The following NDST4 variants were observed in gnomAD, a reference collection of about 807,000 sequenced individuals.
The protein encoded by NDST4 is N-heparan sulfate sulfotransferase 4.
In NDST4, 63 loss-of-function variants were observed where a neutral mutation model predicts 100.8. The ratio of observed to expected loss-of-function variants is 0.62; its 90% CI spans 0.51 to 0.77. NDST4 has a LOEUF of 0.77. Among genes scored for constraint, NDST4 ranks in the 30% least tolerant of loss-of-function variants. The pLI, the probability that NDST4 is intolerant of heterozygous loss-of-function variation, is 0.00. For synonymous variants in NDST4, 377 were observed against 361.8 expected (o/e 1.04, Z -0.48); for missense variants, 943 against 1,018.4 (o/e 0.93, Z 1.01).
At chr4:115,106,211 G>A (rs541492104) in intron 1 of NDST4, among the ~76,000 whole-genome samples, 18 of 152,212 alleles carry the variant, frequency 1.2e-4, no homozygotes, top group African/African-American at 4.1e-4. Context: ...TGAGAATGAT[G>A]AACAGGCCAA....
At chr4:115,081,774 C>T (rs1268538354) in intron 1 of NDST4, among the ~76,000 whole-genome samples, 3 of 152,218 alleles carry the variant, frequency 2.0e-5, no homozygotes, top group Admixed American at 2.0e-4. Flanking sequence ...GACAAGTCAG[C>T]AAGAAACAGA....
chr4:115,040,364 G>T (rs1728324753), intron 2 of NDST4, among the ~76,000 whole-genome samples: 1 of 148,118 alleles, frequency 6.8e-6, no homozygotes, highest in Admixed American at 6.8e-5. Context: ...AGAACAATAT[G>T]AACTACCAAA....
At chr4:115,106,102 C>G (rs982105911) in intron 1 of NDST4, among the ~76,000 whole-genome samples, 1 of 152,052 alleles carries the variant, frequency 6.6e-6, no homozygotes, top group Admixed American at 6.6e-5. Context: ...AATAAGTGCC[C>G]TGATGGAACA....
At chr4:114,974,194 C>A (rs1726579334) in intron 3 of NDST4, among the ~76,000 whole-genome samples, 1 of 151,548 alleles carries the variant, frequency 6.6e-6, no homozygotes, top group African/African-American at 2.4e-5. Context: ...CAAATGCTGG[C>A]AAAATGTCAG....
At chr4:114,838,810 T>C (rs1213871693) in intron 11 of NDST4, among the ~76,000 whole-genome samples, 1 of 144,884 alleles carries the variant, frequency 6.9e-6, no homozygotes, top group Non-Finnish European at 1.5e-5. Context: ...AGAACTTTTT[T>C]TTTTTTTTGA....
chr4:114,896,783 G>A (rs1360955439), intron 6 of NDST4, among the ~76,000 whole-genome samples: 2 of 152,222 alleles, frequency 1.3e-5, no homozygotes, highest in East Asian at 3.9e-4. Context: ...GGTAATTTTA[G>A]TATCACTATA....
intron 4 of NDST4, among the ~76,000 whole-genome samples, chr4:114,961,285 C>T (rs778135699): frequency 3.2e-4 from 48 of 150,160 alleles, no homozygotes; most frequent in African/African-American, 4.9e-4. Context: ...ATTATTTCTC[C>T]GTAAAACATT....
chr4:114,827,831 C>T lies in NDST4; in HGVS notation c.2604G>A (p.Leu868=), dbSNP rs568698644. 8.1e-6 allele frequency: 13 copies of T among 1,611,132 alleles called. 1 individual carries two copies. In the East Asian group the frequency reaches 2.0e-4, roughly 25 times the overall value. The change falls in exon 14 of 14, where the codon CTG becomes CTA. Residue 868 remains leucine (L), a synonymous_variant. Transcript: ENST00000264363. The part of the protein sequence containing the change: ...QPLPSWLRQE[L]QKVR ...GTCTCCAGTGCTATCTCACTTTCTGCAGTTCCTGTCTCAGCCACGATGGCA... is the reference window on the plus strand; with the variant it reads ...GTCTCCAGTGCTATCTCACTTTCTGTAGTTCCTGTCTCAGCCACGATGGCA...
At chr4:114,867,501 G>T (rs932955760) in intron 7 of NDST4, among the ~76,000 whole-genome samples, 1 of 151,968 alleles carries the variant, frequency 6.6e-6, no homozygotes, top group African/African-American at 2.4e-5. Flanking sequence ...TTTGTTGATA[G>T]TGAGACTCTG....
At chr4:114,833,237 C>A (rs1017835031) in intron 12 of NDST4, among the ~76,000 whole-genome samples, 2 of 152,126 alleles carry the variant, frequency 1.3e-5, no homozygotes, top group East Asian at 3.9e-4. Flanking sequence ...CTACATATTG[C>A]ATTTCATTTC....
intron 2 of NDST4, among the ~76,000 whole-genome samples, chr4:115,002,602 GTTC>G (rs745441859): frequency 3.3e-5 from 5 of 152,046 alleles, no homozygotes; most frequent in Non-Finnish European, 5.9e-5. Context: ...TTGCCTAGGT[GTTC>G]TTCTAGTTTT....
chr4:115,024,150 C>T (rs1727927358), intron 2 of NDST4, among the ~76,000 whole-genome samples: 1 of 152,286 alleles, frequency 6.6e-6, no homozygotes, highest in East Asian at 1.9e-4. Flanking sequence ...CTTCACACAG[C>T]CCCCACTAGG....
chr4:114,939,503 A>G (rs1270755437), intron 4 of NDST4, among the ~76,000 whole-genome samples: 1 of 152,198 alleles, frequency 6.6e-6, no homozygotes, highest in Non-Finnish European at 1.5e-5. Flanking sequence ...CTATAACTGT[A>G]TAAATTTGAC....
At chr4:114,994,894 C>G (rs1290717680) in intron 2 of NDST4, among the ~76,000 whole-genome samples, 1 of 151,868 alleles carries the variant, frequency 6.6e-6, no homozygotes, top group Admixed American at 6.6e-5. Flanking sequence ...ATCATAAAAT[C>G]TCCACAAATT....
intron 2 of NDST4, among the ~76,000 whole-genome samples, chr4:115,036,869 C>A (rs953270295): frequency 3.3e-5 from 5 of 151,816 alleles, no homozygotes; most frequent in African/African-American, 1.2e-4. Flanking sequence ...ATCCTTCAAA[C>A]TTGTTTATTT....
chr4:114,858,204 T>C (rs114622749), intron 7 of NDST4, among the ~76,000 whole-genome samples: 2,009 of 152,286 alleles, frequency 0.013, 44 homozygotes, highest in African/African-American at 0.046. Flanking sequence ...ATCCTGCCAC[T>C]TAGTGAAACA....
At chr4:114,842,618 TAAAAAAAA>T (rs71584042) in intron 10 of NDST4, 35 of 40,996 alleles carry the variant, frequency 8.5e-4, no homozygotes, top group African/African-American at 1.2e-3. Context: ...CAGTCTCTAC[TAAAAAAAA>T]AAAAAAAAAA....
At chr4:115,026,571 C>T (rs1221769482) in intron 2 of NDST4, among the ~76,000 whole-genome samples, 1 of 151,924 alleles carries the variant, frequency 6.6e-6, no homozygotes, top group Non-Finnish European at 1.5e-5. Context: ...AATATTGACT[C>T]ACCATTTCTG....
At chr4:114,962,990 A>T (rs930120424) in intron 4 of NDST4, among the ~76,000 whole-genome samples, 1 of 152,148 alleles carries the variant, frequency 6.6e-6, no homozygotes, top group African/African-American at 2.4e-5. Context: ...ACACTTTGGA[A>T]ACAGCATGGC....
Sources: gnomAD v4.1 joint callset for allele counts (sites outside exome capture counted in the v4.1 genomes callset) on GRCh38, gnomAD v4.1.1 for gene constraint, MANE v1.5 for transcripts, NCBI Gene and HGNC (gene_info 2026-07-23, HGNC 2026-07-21) for gene names.